Variants in OXCT1 observed in about 807,000 individuals in gnomAD.
OXCT1 encodes succinyl-CoA:3-ketoacid coenzyme A transferase 1, mitochondrial.
In OXCT1, 27 loss-of-function variants were observed where a neutral mutation model predicts 69.6. The observed-to-expected ratio is 0.39, with a 90% CI of 0.29 to 0.54. The LOEUF is 0.54. Ranked by LOEUF, OXCT1 falls within the 20% of genes least tolerant of loss-of-function variation. The probability of loss-of-function intolerance (pLI) is 0.72; values close to 1 mark genes in which losing one functional copy is unlikely to be tolerated. For missense variants in OXCT1, 437 were observed against 650.2 expected, an observed-to-expected ratio of 0.67 and a Z score of 3.57; for synonymous variants, 202 against 217.8, an observed-to-expected ratio of 0.93 and a Z score of 0.64.
intron 14 of OXCT1, among the ~76,000 whole-genome samples, chr5:41,754,496 C>A (rs543770989): frequency 1.3e-5 from 2 of 151,908 alleles, no homozygotes; most frequent in African/African-American, 2.4e-5. Flanking sequence ...ACACCATATG[C>A]CTATATCAAA....
chr5:41,807,489 T>C, intron 7 of OXCT1, 51 bp from the exon 8 acceptor site: 1 of 1,005,100 alleles, frequency 9.9e-7, no homozygotes, highest in Non-Finnish European at 1.6e-6. Flanking sequence ...AAAGTGAACA[T>C]TTTTAATTTT....
intron 1 of OXCT1, among the ~76,000 whole-genome samples, chr5:41,867,757 T>C (rs1344232365): frequency 1.3e-5 from 2 of 152,048 alleles, no homozygotes; most frequent in African/African-American, 4.8e-5. Flanking sequence ...GAGTCAGAGG[T>C]TGGAAAGAGA....
At chr5:41,828,119 G>C (rs1425558142) in intron 7 of OXCT1, among the ~76,000 whole-genome samples, 2 of 151,754 alleles carry the variant, frequency 1.3e-5, no homozygotes, top group African/African-American at 4.8e-5. Context: ...GTTTTGTTTT[G>C]TTTTTGAGAT....
chr5:41,814,783 A>C (rs984648831), intron 7 of OXCT1, among the ~76,000 whole-genome samples: 1 of 150,986 alleles, frequency 6.6e-6, no homozygotes, highest in African/African-American at 2.4e-5. Context: ...CTAGATGACG[A>C]GTTAGTGGGT....
intron 16 of OXCT1, among the ~76,000 whole-genome samples, chr5:41,733,244 C>CTT (rs35461928): frequency 2.1e-4 from 27 of 128,008 alleles, no homozygotes; most frequent in East Asian, 4.3e-4. Context: ...TTTAGTGAAA[C>CTT]TTTTTTTTTT....
chr5:41,763,532 A>G (rs1744450180), intron 13 of OXCT1, among the ~76,000 whole-genome samples: 1 of 152,158 alleles, frequency 6.6e-6, no homozygotes, highest in Non-Finnish European at 1.5e-5. Context: ...ACAAAATATA[A>G]ATAAGTCAGA....
intron 5 of OXCT1, 129 bp from the exon 6 acceptor site, chr5:41,842,910 C>T (rs894491166): frequency 1.3e-5 from 10 of 751,550 alleles, no homozygotes; most frequent in Middle Eastern, 2.3e-4. Context: ...GAAAAGCATC[C>T]CAGAGACTTC....
intron 7 of OXCT1, among the ~76,000 whole-genome samples, chr5:41,821,426 A>G (rs1747543007): frequency 6.6e-6 from 1 of 152,252 alleles, no homozygotes; most frequent in South Asian, 2.1e-4. Context: ...TAGGCAATTT[A>G]TTAATCTTTC....
rs780361639 is a variant in OXCT1, at chr5:41,798,585, T to C, written c.1099+2437A>G. On this transcript the variant is annotated intron_variant, in intron 11 of 16. Transcript: ENST00000196371. Reference sequence around the variant, plus strand: ...GAAAACGACTAGTGCAGAGAGGACATGGCAGGGGGCCAGGGATATTAAACA... The same window carrying C: ...GAAAACGACTAGTGCAGAGAGGACACGGCAGGGGGCCAGGGATATTAAACA... Among the ~76,000 whole-genome samples, 204 of 152,346 alleles carry C rather than the reference T, an allele frequency of 1.3e-3. 8 individuals carry two copies. Among genetic ancestry groups the C allele is most frequent in the Non-Finnish European group, 9.6e-4 (65 of 68,028 alleles).
intron 6 of OXCT1, among the ~76,000 whole-genome samples, 182 bp downstream of exon 6, chr5:41,842,493 C>T (rs1192205060): frequency 6.6e-6 from 1 of 152,172 alleles, no homozygotes. Flanking sequence ...ATCGACCAGT[C>T]TAAACAGACT....
At chr5:41,780,471 T>C (rs1745339930) in intron 13 of OXCT1, among the ~76,000 whole-genome samples, 2 of 152,172 alleles carry the variant, frequency 1.3e-5, no homozygotes, top group South Asian at 2.1e-4. Context: ...ACAGCAAACA[T>C]AATATTAAGT....
In OXCT1 at chr5:41,847,136, AG is replaced by A. The variant is rs1476262011; in HGVS notation, c.564+2893del. On this transcript the variant is annotated intron_variant, in intron 5 of 16. Transcript: ENST00000196371. ...CCACAGAAATACAAACTACCATCAG[AG>A]AATACTACAAACACCTCTACGCAAA... is the stretch of plus-strand genomic sequence containing the variant. 4.6e-5 allele frequency among the ~76,000 whole-genome samples: 7 copies of A among 152,006 alleles called. 1 individual carries two copies. The highest frequency in any genetic ancestry group is 4.6e-4 in the Admixed American group (7 of 15,260).
At chr5:41,819,638 G>C (rs931750582) in intron 7 of OXCT1, among the ~76,000 whole-genome samples, 14 of 151,852 alleles carry the variant, frequency 9.2e-5, no homozygotes, top group African/African-American at 3.1e-4. Flanking sequence ...CCAAAGTGCT[G>C]AGATAACAGG....
At chr5:41,765,674 G>T (rs2112115528) in intron 13 of OXCT1, among the ~76,000 whole-genome samples, 1 of 152,300 alleles carries the variant, frequency 6.6e-6, no homozygotes, top group South Asian at 2.1e-4. Flanking sequence ...GACTATGTCA[G>T]ATGCTGTCCT....
chr5:41,799,397 A>G (rs1428104562), intron 11 of OXCT1, among the ~76,000 whole-genome samples: 2 of 152,232 alleles, frequency 1.3e-5, no homozygotes, highest in Non-Finnish European at 2.9e-5. Flanking sequence ...TTGGCTTCCC[A>G]TAAGCAATGA....
At chr5:41,847,374 C>T (rs1297768733) in intron 5 of OXCT1, among the ~76,000 whole-genome samples, 3 of 152,148 alleles carry the variant, frequency 2.0e-5, no homozygotes, top group Non-Finnish European at 4.4e-5. Flanking sequence ...GGTACCATTC[C>T]TTCTTAAACT....
intron 3 of OXCT1, among the ~76,000 whole-genome samples, chr5:41,856,783 G>A (rs1000088214): frequency 3.3e-5 from 5 of 152,182 alleles, no homozygotes; most frequent in Non-Finnish European, 7.3e-5. Flanking sequence ...GCATTTTCAA[G>A]AGTGTACTTT....
At chr5:41,776,600 C>A (rs1745133767) in intron 13 of OXCT1, among the ~76,000 whole-genome samples, 1 of 152,166 alleles carries the variant, frequency 6.6e-6, no homozygotes, top group African/African-American at 2.4e-5. Context: ...TTGAGAAAGT[C>A]AAATGAATCT....
chr5:41,760,752 T>C (rs556260967), intron 14 of OXCT1, among the ~76,000 whole-genome samples: 22 of 152,264 alleles, frequency 1.4e-4, no homozygotes, highest in African/African-American at 4.6e-4. Flanking sequence ...TTGGATGCTT[T>C]GCAAGGCATT....
Sources: allele counts gnomAD v4.1 joint callset (sites outside exome capture counted in the v4.1 genomes callset), GRCh38; gene constraint gnomAD v4.1.1; transcripts MANE v1.5; gene names NCBI Gene and HGNC (gene_info 2026-07-23, HGNC 2026-07-21).